Variants in ITIH1 observed in about 807,000 individuals in gnomAD.
ITIH1 encodes inter-alpha-trypsin inhibitor heavy chain 1.
In ITIH1, 94 loss-of-function variants were observed where a neutral mutation model predicts 104.6. That is an observed-to-expected ratio of 0.90 (90% CI 0.76 to 1.07). The LOEUF is 1.07. Among genes scored for constraint, ITIH1 ranks in the 50% least tolerant of loss-of-function variants. The pLI is 0.00. For missense variants in ITIH1, 1,193 were observed against 1,181.4 expected, an observed-to-expected ratio of 1.01 and a Z score of -0.14; for synonymous variants, 455 against 464.4, an observed-to-expected ratio of 0.98 and a Z score of 0.26.
At chr3:52,785,370 C>G in intron 12 of ITIH1, 141 bp downstream of exon 12, 1 of 771,892 alleles carries the variant, frequency 1.3e-6, no homozygotes, top group Non-Finnish European at 2.0e-6. Flanking sequence ...GCCACATACA[C>G]CCCAGGCCTG....
rs1279985515 is a variant in ITIH1, at chr3:52,783,231, G to A, written c.1117G>A (p.Gly373Ser). 1 of 1,614,116 alleles carries A rather than the reference G, an allele frequency of 6.2e-7. No homozygotes were observed. Among genetic ancestry groups the A allele is most frequent in the Non-Finnish European group, 8.5e-7 (1 of 1,180,018 alleles). The change falls in exon 10 of 22, where the codon GGT becomes AGT. Residue 373 changes from glycine to serine, a missense_variant. Coordinates refer to ENST00000273283, the MANE Select transcript of ITIH1 (RefSeq NM_002215.4). ...CCTTGCAGCCACAAACCTGAATGGA[G>A]GTTTGCTCCGGGGAATTGAGATCTT... Reference protein sequence around the residue: ...SLDEATNLNGGLLRGIEILNQ... With the variant: ...SLDEATNLNGSLLRGIEILNQ...
At chr3:52,790,517 G>A in intron 19 of ITIH1, 2 of 496,874 alleles carry the variant, frequency 4.0e-6, no homozygotes, top group Non-Finnish European at 7.1e-6. Flanking sequence ...CTCGGAGTGA[G>A]GATTGAATGA....
chr3:52,785,018 T>C (rs1235234820), intron 11 of ITIH1, 26 bp from the exon 12 acceptor site: 1 of 1,612,682 alleles, frequency 6.2e-7, no homozygotes, highest in Non-Finnish European at 8.5e-7. Flanking sequence ...TGCTCAGCTC[T>C]AAGGCTGCAA....
intron 20 of ITIH1, among the ~76,000 whole-genome samples, chr3:52,791,235 T>TTG (rs904731994): frequency 2.6e-5 from 4 of 151,438 alleles, no homozygotes; most frequent in Admixed American, 2.0e-4. Flanking sequence ...TGTGTGGCCT[T>TTG]TCTACAGACA....
At position 52,791,499 on chromosome 3, in the gene ITIH1, T is replaced by G. The variant is rs760314568; in HGVS notation, c.2495-18T>G. On this transcript the variant is annotated intron_variant, in intron 20 of 21. Transcript: ENST00000273283. ...AGTCCCCGAGATGGTAACCGCTGTC[T>G]CCAATGTGCCTTTCTAGGGCAATTT... 1.9e-5 allele frequency: 31 copies of G among 1,601,550 alleles called. No individual in the cohort carries two copies. In the Admixed American group the frequency reaches 5.2e-4, roughly 27 times the overall value.
Position 52,783,012 on chromosome 3 carries a change from AC to A in ITIH1, c.988del (p.Leu330TrpfsTer41), listed in dbSNP as rs1193008852. Reference sequence around the variant, plus strand: ...GACATGCAGCCAGGGGACTACTTTGACCTGGTTCTTTTTGGGACTCGAGTAC... The same window carrying A: ...GACATGCAGCCAGGGGACTACTTTGACTGGTTCTTTTTGGGACTCGAGTAC... The part of the protein sequence containing the change: ...LGDMQPGDYF[D>X]LVLFGTRVQS... On this transcript the variant is annotated frameshift_variant, in exon 9 of 22. Transcript: ENST00000273283. LOFTEE classifies it high-confidence loss of function. The A allele has an allele frequency of 1.2e-6, 2 of 1,613,782 alleles. No individual in the cohort carries two copies. The highest frequency in any genetic ancestry group is 3.3e-5 in the Admixed American group (2 of 59,996).
At chr3:52,786,122 G>T (rs779203234) in intron 12 of ITIH1, among the ~76,000 whole-genome samples, 173 bp from the exon 13 acceptor site, 12 of 152,200 alleles carry the variant, frequency 7.9e-5, no homozygotes, top group Admixed American at 2.6e-4. Context: ...GGCTTGCAGA[G>T]GGTGCTTGGC....
chr3:52,790,934 A>G lies in ITIH1; in HGVS notation c.2494+13A>G, dbSNP rs1244044577. The stretch of plus-strand genomic sequence containing the variant: ...CACGGGCTGCTGGGTACGGCTGGCC[A>G]GGCTGGCAGGGCTGTGGGGAAGGGT... On this transcript the variant is annotated intron_variant, in intron 20 of 21. Coordinates refer to ENST00000273283, the MANE Select transcript of ITIH1 (RefSeq NM_002215.4). 1 of 1,590,258 alleles carries G rather than the reference A, an allele frequency of 6.3e-7. No homozygotes were observed. Among genetic ancestry groups the G allele is most frequent in the Non-Finnish European group, 8.5e-7 (1 of 1,171,130 alleles).
At position 52,789,784 on chromosome 3, in the gene ITIH1, A is replaced by G. The variant is rs778379508; in HGVS notation, c.2251A>G (p.Ile751Val). Residue 751 changes from isoleucine (I) to valine (V), a missense_variant, in exon 19 of 22, where the codon ATT becomes GTT. Ile to Val is a conservative substitution (Grantham distance 29). Transcript: ENST00000273283. ...DFQLEVTPQN[I>V]TLNPGFGGPV... ...TCAGTTGGAAGTGACTCCTCAGAAC[A>G]TTACGCTGAACCCCGGCTTTGGTGG... is the stretch of plus-strand genomic sequence containing the variant. The G allele has an allele frequency of 3.1e-6, 5 of 1,614,180 alleles. No individual in the cohort carries two copies. The highest frequency in any genetic ancestry group is 1.3e-5 in the African/African-American group (1 of 75,056).
Position 52,789,849 on chromosome 3 carries a change from G to C in ITIH1, c.2316G>C (p.Gln772His). The C allele has an allele frequency of 6.2e-7, 1 of 1,614,176 alleles. No individual in the cohort carries two copies. Among genetic ancestry groups the C allele is most frequent in the Non-Finnish European group, 8.5e-7 (1 of 1,180,032 alleles). Reference sequence around the variant, plus strand: ...GGAGGGACCAAGCTGTGCTGCGGCAGGACGGGTAACCTGCCAGGGCCTGGG... The same window carrying C: ...GGAGGGACCAAGCTGTGCTGCGGCACGACGGGTAACCTGCCAGGGCCTGGG... Reference protein sequence around the residue: ...FSWRDQAVLRQDGVVVTINKK... With the variant: ...FSWRDQAVLRHDGVVVTINKK... The change falls in exon 19 of 22, where the codon CAG becomes CAC. Residue 772 changes from glutamine (Q) to histidine (H), a missense_variant. Physicochemically the swap from Gln to His is conservative, Grantham distance 24. Coordinates refer to ENST00000273283, the MANE Select transcript of ITIH1 (RefSeq NM_002215.4).
intron 13 of ITIH1, 69 bp downstream of exon 13, chr3:52,786,503 G>T: frequency 6.9e-7 from 1 of 1,448,676 alleles, no homozygotes; most frequent in South Asian, 1.3e-5. Flanking sequence ...TTGGAGGTGA[G>T]CAGAGGAGGG....
chr3:52,779,550 A>G lies in ITIH1; in HGVS notation c.529A>G (p.Ile177Val), dbSNP rs1186597135. The G allele has an allele frequency of 1.2e-6, 2 of 1,614,156 alleles. No homozygotes were observed. Among genetic ancestry groups the G allele is most frequent in the Admixed American group, 3.3e-5 (2 of 60,020 alleles). ...GAAGAGAAACCATATGCAGTATGAA[A>G]TTGTCATCAAAGTCAAGCCCAAGCA... ...VLKRNHMQYE[I>V]VIKVKPKQLV... is the part of the protein sequence containing the mutation. The change falls in exon 5 of 22, where the codon ATT (isoleucine) becomes GTT (valine). Residue 177 changes from isoleucine (I) to valine (V), a missense_variant. Physicochemically the swap from Ile to Val is conservative, Grantham distance 29. Coordinates refer to ENST00000273283, the MANE Select transcript of ITIH1 (RefSeq NM_002215.4). The surrounding 1 kb of genome is among the most constrained non-coding windows in gnomAD (Gnocchi z 4.4).
chr3:52,791,893 C>A lies in ITIH1; in HGVS notation c.2718C>A (p.Ile906=), dbSNP rs201160692. The A allele has an allele frequency of 2.5e-6, 4 of 1,613,182 alleles. No homozygotes were observed. The highest frequency in any genetic ancestry group is 2.5e-6 in the Non-Finnish European group (3 of 1,179,422). Residue 906 remains isoleucine, a synonymous_variant, in exon 22 of 22, where the codon ATC becomes ATA. Coordinates refer to ENST00000273283, the MANE Select transcript of ITIH1 (RefSeq NM_002215.4). Reference sequence around the variant, plus strand: ...TCGATGGTGCCTACACTGATTATATCGTCCCCGACATCTTCTGAGCCCTCT... The same window carrying A: ...TCGATGGTGCCTACACTGATTATATAGTCCCCGACATCTTCTGAGCCCTCT... The part of the protein sequence containing the change: ...GLIDGAYTDY[I]VPDIF
In ITIH1 at chr3:52,783,116, C is replaced by G. The variant is rs1699105700; in HGVS notation, c.1090C>G (p.Leu364Val). ...AAQDFVRGFS[L>V]DEATNLNGGL... The stretch of plus-strand genomic sequence containing the variant: ...TCAAGACTTTGTGCGGGGCTTTTCC[C>G]TGGATGAGGGTAAGGGTGGGGGTCT... Residue 364 changes from leucine to valine, a missense_variant, in exon 9 of 22, where the codon CTG becomes GTG. Leu to Val is a conservative substitution (Grantham distance 32). Coordinates refer to ENST00000273283, the MANE Select transcript of ITIH1 (RefSeq NM_002215.4). The G allele has an allele frequency of 6.8e-6, 11 of 1,614,046 alleles. No individual in the cohort carries two copies. Among genetic ancestry groups the G allele is most frequent in the Non-Finnish European group, 8.5e-6 (10 of 1,180,012 alleles).
chr3:52,785,169 G>A lies in ITIH1; in HGVS notation c.1533G>A (p.Val511=), dbSNP rs1024304600. ...ACTACGAAGGCTCAGAGATTGTGGT[G>A]GCCGGGCGCATTGCTGACAACAAAC... ...KQYYEGSEIV[V]AGRIADNKQS... Residue 511 remains valine, a synonymous_variant, in exon 12 of 22, where the codon GTG becomes GTA. Transcript: ENST00000273283. The A allele has an allele frequency of 3.1e-6, 5 of 1,614,048 alleles. No individual in the cohort carries two copies. The highest frequency in any genetic ancestry group is 4.2e-6 in the Non-Finnish European group (5 of 1,180,020).
rs118038389 is a variant in ITIH1, at chr3:52,785,068, C to T, written c.1432C>T (p.Pro478Ser). 3.7e-5 allele frequency: 59 copies of T among 1,614,088 alleles called. No homozygotes were observed. In the East Asian group the frequency reaches 1.2e-3, roughly 34 times the overall value. Residue 478 changes from proline (P) to serine (S), a missense_variant, in exon 12 of 22, where the codon CCC becomes TCC. Pro to Ser is a moderately conservative substitution (Grantham distance 74). Transcript: ENST00000273283. ...GGGTTTCTACAGCCAGGTAGCCAAA[C>T]CCCTGCTGGTGGATGTGGATTTGCA... ...LQGFYSQVAK[P>S]LLVDVDLQYP...
chr3:52,778,159 C>A, intron 2 of ITIH1, 142 bp downstream of exon 2: 1 of 1,151,640 alleles, frequency 8.7e-7, no homozygotes, highest in Non-Finnish European at 1.3e-6. Context: ...GGACTTGTTC[C>A]CATCTCACCT....
rs1559461446 is a variant in ITIH1 at position 52,781,278 on chromosome 3, TTCTTCTTCC to T, written c.688-653_688-645del. 1.6e-4 allele frequency among the ~76,000 whole-genome samples: 22 copies of T among 135,994 alleles called. 2 individuals are homozygous for T. Among genetic ancestry groups the T allele is most frequent in the Admixed American group, 1.1e-3 (14 of 13,004 alleles). The allele number at this position is 135,994 out of a possible 152,430, so 89.2% of individuals were successfully genotyped here. ...CTTCTTCTTCTTCTTCTTCTTCTTC[TTCTTCTTCC>T]TCTTCTTCTTCTTCTGCTTCTTCTT... On this transcript the variant is annotated intron_variant, in intron 6 of 21. Coordinates refer to ENST00000273283, the MANE Select transcript of ITIH1 (RefSeq NM_002215.4).
At position 52,785,102 on chromosome 3, in the gene ITIH1, A is replaced by G. The variant is rs1699167209; in HGVS notation, c.1466A>G (p.Gln489Arg). The change falls in exon 12 of 22, where the codon CAG becomes CGG. Residue 489 changes from glutamine to arginine, a missense_variant. By Grantham distance (43) the Gln-to-Arg change is conservative (BLOSUM62 1). Coordinates refer to ENST00000273283, the MANE Select transcript of ITIH1 (RefSeq NM_002215.4). ...LLVDVDLQYP[Q>R]DAVLALTQNH... ...GTGGATGTGGATTTGCAGTACCCCC[A>G]GGATGCTGTCTTGGCCCTGACCCAG... 6.2e-7 allele frequency: 1 copy of G among 1,614,008 alleles called. No homozygotes were observed. Among genetic ancestry groups the G allele is most frequent in the African/African-American group, 1.3e-5 (1 of 74,904 alleles).
Sources: allele counts gnomAD v4.1 joint callset (sites outside exome capture counted in the v4.1 genomes callset), GRCh38; gene constraint gnomAD v4.1.1; non-coding constraint Gnocchi (gnomAD v3.1); transcripts MANE v1.5; gene names NCBI Gene and HGNC (gene_info 2026-07-23, HGNC 2026-07-21).